Variants in SHB observed in about 807,000 individuals in gnomAD.
SHB encodes SH2 domain containing adaptor protein B.
A neutral mutation model predicts 52.3 loss-of-function variants in SHB; 20 were observed. The observed-to-expected ratio is 0.38, with a 90% CI of 0.27 to 0.56. The LOEUF (loss-of-function observed/expected upper bound fraction) is 0.56, where lower values mean the gene tolerates loss of function less well. Among genes scored for constraint, SHB ranks in the 20% least tolerant of loss-of-function variants. The pLI is 0.71. For missense variants in SHB, 825 were observed against 723.3 expected (o/e 1.14, Z -1.61); for synonymous variants, 397 against 316.5 (o/e 1.25, Z -2.70).
At chr9:37,980,107 C>G (rs111979220) in intron 2 of SHB, among the ~76,000 whole-genome samples, 1 of 152,146 alleles carries the variant, frequency 6.6e-6, no homozygotes, top group Non-Finnish European at 1.5e-5. Flanking sequence ...CCCCTCCCCC[C>G]AGCTGTGGGA....
At chr9:37,932,436 A>C (rs1263740884) in intron 5 of SHB, among the ~76,000 whole-genome samples, 1 of 151,998 alleles carries the variant, frequency 6.6e-6, no homozygotes, top group East Asian at 1.9e-4. Flanking sequence ...GAGGGTACAA[A>C]AGAGCAGACA....
chr9:38,047,440 CTGCA>C (rs1243843575), intron 1 of SHB, among the ~76,000 whole-genome samples: 3 of 152,242 alleles, frequency 2.0e-5, no homozygotes, highest in Non-Finnish European at 4.4e-5. Context: ...AAACTGGAGA[CTGCA>C]AGGCTTCACT....
At position 38,048,765 on chromosome 9, in the gene SHB, C is replaced by G. The variant is rs191616365; in HGVS notation, c.717+19164G>C. Among the ~76,000 whole-genome samples, 873 of 152,314 alleles carry G rather than the reference C, an allele frequency of 5.7e-3. 7 individuals are homozygous for G. The highest frequency in any genetic ancestry group is 0.027 in the Middle Eastern group (8 of 294). On this transcript the variant is annotated intron_variant, in intron 1 of 5. Transcript: ENST00000377707. ...TGGCTGTATTCCCTCTCACTTTAGG[C>G]CACACGTTAGCCACTTCCCATGGCT...
intron 1 of SHB, among the ~76,000 whole-genome samples, chr9:38,059,963 T>C (rs1346063422): frequency 6.6e-6 from 1 of 152,174 alleles, no homozygotes. Flanking sequence ...GTGGAATACT[T>C]ACATAAATGT....
chr9:38,044,291 G>A (rs1474750535), intron 1 of SHB, among the ~76,000 whole-genome samples: 1 of 152,216 alleles, frequency 6.6e-6, no homozygotes, highest in East Asian at 1.9e-4. Context: ...GTGGGCCAAA[G>A]GCTCAATTAA....
Position 37,918,658 on chromosome 9 carries a change from T to C in SHB, c.*1163A>G, listed in dbSNP as rs1440365294. Among the ~76,000 whole-genome samples, 1 of 152,246 alleles carries C rather than the reference T, an allele frequency of 6.6e-6. No individual in the cohort carries two copies. The highest frequency in any genetic ancestry group is 2.4e-5 in the African/African-American group (1 of 41,468). On this transcript the variant is annotated 3_prime_UTR_variant, in exon 6 of 6. Coordinates refer to ENST00000377707, the MANE Select transcript of SHB (RefSeq NM_003028.3). ...AGCATTGGCTGCAGAACCGCTCTGC[T>C]GCTGGTGAGCTGTGTGGCTTTGGGC... is the stretch of plus-strand genomic sequence containing the variant.
intron 5 of SHB, among the ~76,000 whole-genome samples, chr9:37,939,742 A>G (rs1333762847): frequency 1.3e-5 from 2 of 152,164 alleles, no homozygotes; most frequent in Non-Finnish European, 2.9e-5. Flanking sequence ...AGAGGCCTCG[A>G]GCTGTGTTGC....
intron 1 of SHB, among the ~76,000 whole-genome samples, chr9:38,060,902 G>A (rs779788232): frequency 3.3e-5 from 5 of 152,134 alleles, no homozygotes; most frequent in African/African-American, 4.8e-5. Context: ...TTTCAGGGGC[G>A]GGCACTATCC....
At chr9:38,021,296 C>T (rs1041837014) in intron 1 of SHB, among the ~76,000 whole-genome samples, 4 of 149,780 alleles carry the variant, frequency 2.7e-5, no homozygotes, top group South Asian at 2.1e-4. Context: ...GCCGAGATCG[C>T]GCCATTGCAC....
At position 37,946,693 on chromosome 9, in the gene SHB, T is replaced by C. The variant is rs549307675; in HGVS notation, c.1346+1942A>G. ...GGTCCTCTAGGATGAACGGCCCGGT[T>C]TGGCATGGAGTGCTCTGTCCTGTCC... is the stretch of plus-strand genomic sequence containing the variant. On this transcript the variant is annotated intron_variant, in intron 5 of 5. Transcript: ENST00000377707. Among the ~76,000 whole-genome samples the C allele has an allele frequency of 5.2e-3, 799 of 152,292 alleles. 6 individuals are homozygous for C. The highest frequency in any genetic ancestry group is 0.019 in the African/African-American group (772 of 41,548).
In SHB at chr9:38,054,102, A is replaced by G. The variant is rs144789878; in HGVS notation, c.717+13827T>C. Among the ~76,000 whole-genome samples the G allele has an allele frequency of 4.1e-3, 630 of 152,296 alleles. 3 individuals carry two copies. The highest frequency in any genetic ancestry group is 0.017 in the South Asian group (80 of 4,828). ...CCAGAGAATTTTATCACTTGTCCCA[A>G]GTTACTAAGCTTCCAAGCACCAGGG... On this transcript the variant is annotated intron_variant, in intron 1 of 5. Transcript: ENST00000377707.
At chr9:38,020,546 G>A (rs1821268618) in intron 1 of SHB, among the ~76,000 whole-genome samples, 1 of 152,112 alleles carries the variant, frequency 6.6e-6, no homozygotes, top group Admixed American at 6.5e-5. Context: ...TTCTTCCCTG[G>A]TGGTCAACTG....
Position 37,918,627 on chromosome 9 carries a change from C to A in SHB, c.*1194G>T, listed in dbSNP as rs906970171. Among the ~76,000 whole-genome samples, 3 of 152,198 alleles carry A rather than the reference C, an allele frequency of 2.0e-5. No individual in the cohort carries two copies. Among genetic ancestry groups the A allele is most frequent in the Non-Finnish European group, 4.4e-5 (3 of 68,040 alleles). ...TGACAGCAAGGCCATGCAGAACCAA[C>A]GAAAGAGCATTGGCTGCAGAACCGC... On this transcript the variant is annotated 3_prime_UTR_variant, in exon 6 of 6. Coordinates refer to ENST00000377707, the MANE Select transcript of SHB (RefSeq NM_003028.3).
At chr9:38,015,454 G>T in intron 2 of SHB, 1 of 703,072 alleles carries the variant, frequency 1.4e-6, no homozygotes, top group South Asian at 1.5e-5. Flanking sequence ...CAGCCACTGG[G>T]GGAATGTCTC....
chr9:37,973,101 T>C (rs1041557056), intron 3 of SHB, among the ~76,000 whole-genome samples: 1 of 152,224 alleles, frequency 6.6e-6, no homozygotes, highest in Non-Finnish European at 1.5e-5. Flanking sequence ...TTGCTGAACA[T>C]CACCTTTTAG....
chr9:38,002,460 G>A (rs2118043626), intron 2 of SHB, among the ~76,000 whole-genome samples: 1 of 152,256 alleles, frequency 6.6e-6, no homozygotes, highest in South Asian at 2.1e-4. Flanking sequence ...GGGAAGGCAG[G>A]GCAGGAGGCC....
chr9:37,927,948 C>CTT (rs1832269701), intron 5 of SHB, among the ~76,000 whole-genome samples: 1 of 146,154 alleles, frequency 6.8e-6, no homozygotes, highest in Admixed American at 6.9e-5. Context: ...TTCTCTTTCT[C>CTT]TCTTTTTTTT....
chr9:38,031,149 C>T (rs941519858), intron 1 of SHB, among the ~76,000 whole-genome samples: 3 of 152,100 alleles, frequency 2.0e-5, no homozygotes, highest in Admixed American at 6.5e-5. Flanking sequence ...GGTGAAACCC[C>T]GTCTCTACTA....
chr9:38,007,301 C>CA (rs1343537128), intron 2 of SHB, among the ~76,000 whole-genome samples: 1 of 152,220 alleles, frequency 6.6e-6, no homozygotes, highest in African/African-American at 2.4e-5. Flanking sequence ...TTCCTATACT[C>CA]ATTCATGCAA....
Sources: gnomAD v4.1 joint callset for allele counts (sites outside exome capture counted in the v4.1 genomes callset) on GRCh38, gnomAD v4.1.1 for gene constraint, MANE v1.5 for transcripts, NCBI Gene and HGNC (gene_info 2026-07-23, HGNC 2026-07-21) for gene names.